PAPPA2: variants seen among roughly 807,000 people sequenced by gnomAD.
The protein encoded by PAPPA2 is pappalysin-2.
A neutral mutation model predicts 176.4 loss-of-function variants in PAPPA2; 86 were observed. The observed-to-expected ratio is 0.49, with a 90% CI of 0.41 to 0.58. The LOEUF is 0.58. Ranked by LOEUF, PAPPA2 falls within the 20% of genes least tolerant of loss-of-function variation. PAPPA2 has a pLI of 0.00. For synonymous variants in PAPPA2, 809 were observed against 852.2 expected (o/e 0.95, Z 0.88); for missense variants, 2,073 against 2,256.9 (o/e 0.92, Z 1.65).
intron 21 of PAPPA2, among the ~76,000 whole-genome samples, chr1:176,809,570 G>A (rs1449814987): frequency 1.3e-5 from 2 of 152,100 alleles, no homozygotes; most frequent in African/African-American, 2.4e-5. Flanking sequence ...TCACTCATGG[G>A]CACTGCCTGC....
chr1:176,528,481 G>C (rs1649614146), intron 1 of PAPPA2, among the ~76,000 whole-genome samples: 1 of 152,172 alleles, frequency 6.6e-6, no homozygotes, highest in Admixed American at 6.5e-5. Context: ...CTAAATAATA[G>C]AACTACCATT....
chr1:176,787,872 G>A (rs1038968312), intron 17 of PAPPA2, among the ~76,000 whole-genome samples: 3 of 151,920 alleles, frequency 2.0e-5, no homozygotes, highest in Non-Finnish European at 4.4e-5. Flanking sequence ...ACCAGCCTGA[G>A]CAACATGGAA....
chr1:176,569,002 T>A (rs1165138508), intron 2 of PAPPA2, among the ~76,000 whole-genome samples: 1 of 152,180 alleles, frequency 6.6e-6, no homozygotes, highest in Non-Finnish European at 1.5e-5. Flanking sequence ...TACTTACCTT[T>A]TCAATCTCAT....
intron 14 of PAPPA2, among the ~76,000 whole-genome samples, chr1:176,760,307 G>A (rs1020725674): frequency 1.3e-5 from 2 of 152,062 alleles, no homozygotes; most frequent in African/African-American, 4.8e-5. Context: ...TTGATAATTT[G>A]AGTTTAATAT....
intron 1 of PAPPA2, among the ~76,000 whole-genome samples, chr1:176,520,909 G>A (rs549916868): frequency 2.6e-5 from 4 of 152,074 alleles, no homozygotes; most frequent in Non-Finnish European, 5.9e-5. Context: ...GAGCCCAGGG[G>A]TTTAAGGCCA....
At chr1:176,601,015 C>T (rs1230964583) in intron 3 of PAPPA2, among the ~76,000 whole-genome samples, 1 of 152,148 alleles carries the variant, frequency 6.6e-6, no homozygotes, top group Non-Finnish European at 1.5e-5. Flanking sequence ...CAATGTGTCT[C>T]CCAAAGTTCA....
chr1:176,680,209 A>G (rs1484652284), intron 4 of PAPPA2, among the ~76,000 whole-genome samples: 2 of 152,232 alleles, frequency 1.3e-5, no homozygotes, highest in Non-Finnish European at 2.9e-5. Context: ...CTGCACTTGA[A>G]TAGTCTGAGA....
intron 15 of PAPPA2, among the ~76,000 whole-genome samples, chr1:176,767,417 G>T (rs1664026411): frequency 6.6e-6 from 1 of 152,090 alleles, no homozygotes; most frequent in South Asian, 2.1e-4. Flanking sequence ...TCAGCTCACT[G>T]CAACCTCCCA....
chr1:176,784,935 C>A (rs764840843), intron 17 of PAPPA2, among the ~76,000 whole-genome samples: 18 of 152,126 alleles, frequency 1.2e-4, no homozygotes, highest in Admixed American at 1.2e-3. Context: ...ACAGAGAGGG[C>A]AAGCTCTTAT....
intron 2 of PAPPA2, among the ~76,000 whole-genome samples, chr1:176,562,905 C>A (rs748753310): frequency 6.6e-6 from 1 of 152,154 alleles, no homozygotes; most frequent in Non-Finnish European, 1.5e-5. Context: ...TTCTCGAAGC[C>A]TGTGGCCATG....
intron 3 of PAPPA2, among the ~76,000 whole-genome samples, chr1:176,614,982 A>G (rs539695353): frequency 6.6e-6 from 1 of 152,334 alleles, no homozygotes; most frequent in East Asian, 1.9e-4. Flanking sequence ...AAAAAAAATC[A>G]CACTTTCAAA....
At chr1:176,803,139 T>A (rs1221259493) in intron 21 of PAPPA2, among the ~76,000 whole-genome samples, 1 of 152,210 alleles carries the variant, frequency 6.6e-6, no homozygotes, top group African/African-American at 2.4e-5. Context: ...GCAACTTAGT[T>A]AATGGAAAAC....
chr1:176,799,929 A>T, intron 20 of PAPPA2, 132 bp from the exon 21 acceptor site: 1 of 866,012 alleles, frequency 1.2e-6, no homozygotes, highest in South Asian at 1.6e-5. Flanking sequence ...AATCCACTTT[A>T]TGGGACACAA....
intron 5 of PAPPA2, chr1:176,690,902 G>C (rs887361516): frequency 7.7e-6 from 7 of 913,926 alleles, no homozygotes; most frequent in Middle Eastern, 5.7e-4. Context: ...ATGTTTTACT[G>C]TATGTTACTA....
intron 12 of PAPPA2, among the ~76,000 whole-genome samples, chr1:176,720,551 A>G (rs535843412): frequency 9.1e-4 from 138 of 152,000 alleles, no homozygotes; most frequent in African/African-American, 3.1e-3. Context: ...CTTTTTTTTA[A>G]ATATGTAGTT....
At chr1:176,829,783 T>C (rs1279876591) in intron 21 of PAPPA2, among the ~76,000 whole-genome samples, 2 of 152,200 alleles carry the variant, frequency 1.3e-5, no homozygotes, top group Non-Finnish European at 2.9e-5. Flanking sequence ...ATGTGGGATG[T>C]GGCCTTGTGC....
At chr1:176,834,555 T>G (rs1348821967) in intron 21 of PAPPA2, among the ~76,000 whole-genome samples, 1 of 152,336 alleles carries the variant, frequency 6.6e-6, no homozygotes, top group African/African-American at 2.4e-5. Context: ...GAGCATAGTG[T>G]TGCTTCCTCC....
chr1:176,491,661 G>A (rs1234706076), intron 1 of PAPPA2, among the ~76,000 whole-genome samples: 2 of 152,174 alleles, frequency 1.3e-5, no homozygotes, highest in Non-Finnish European at 2.9e-5. Flanking sequence ...TATTTTATAT[G>A]TATGGTAAAG....
chr1:176,634,958 G>GATAA (rs1473455985), intron 3 of PAPPA2, among the ~76,000 whole-genome samples: 360 of 120,306 alleles, frequency 3.0e-3, no homozygotes, highest in African/African-American at 0.01. Context: ...TAGATAGATA[G>GATAA]ATAGATAAAT....
Sources: gnomAD v4.1 joint callset for allele counts (sites outside exome capture counted in the v4.1 genomes callset) on GRCh38, gnomAD v4.1.1 for gene constraint, MANE v1.5 for transcripts, NCBI Gene and HGNC (gene_info 2026-07-23, HGNC 2026-07-21) for gene names.